TECR: variants seen among roughly 807,000 people sequenced by gnomAD.
The protein encoded by TECR is very-long-chain enoyl-CoA reductase.
A neutral mutation model predicts 50.6 loss-of-function variants in TECR; 19 were observed. The ratio of observed to expected loss-of-function variants is 0.38; its 90% confidence interval spans 0.26 to 0.55. TECR has a LOEUF of 0.55. Ranked by LOEUF, TECR falls within the 20% of genes least tolerant of loss-of-function variation. The pLI is 0.79. For missense variants in TECR, 313 were observed against 408.3 expected (o/e 0.77, Z 2.01); for synonymous variants, 168 against 163.5 (o/e 1.03, Z -0.21).
At position 14,563,672 on chromosome 19, in the gene TECR, C is replaced by T. The variant is rs757170936; in HGVS notation, c.133C>T (p.Pro45Ser). 70 of 1,612,102 alleles carry T rather than the reference C, an allele frequency of 4.3e-5. No homozygotes were observed. The Admixed American group carries it at 1.2e-3, about 26-fold the overall frequency. Residue 45 changes from proline (P) to serine (S), a missense_variant, in exon 4 of 13, where the codon CCC becomes TCC. Transcript: ENST00000215567. The surrounding 1 kb of genome is among the most constrained non-coding windows in gnomAD (Gnocchi z 5.3). ...TCTCCCCGCAGATCCGCAGTGGTAC[C>T]CCGCCCGCCAGTCCCTCCGCCTGGA... is the stretch of plus-strand genomic sequence containing the variant. ...LFTKTHPQWY[P>S]ARQSLRLDPK...
intron 1 of TECR, among the ~76,000 whole-genome samples, chr19:14,534,960 G>T (rs945266693): frequency 6.6e-6 from 1 of 152,174 alleles, no homozygotes; most frequent in African/African-American, 2.4e-5. Flanking sequence ...GTGTTCTGAG[G>T]ACAGAGCATC....
chr19:14,538,056 T>G (rs1313376574), intron 1 of TECR, among the ~76,000 whole-genome samples: 2 of 152,182 alleles, frequency 1.3e-5, no homozygotes, highest in African/African-American at 4.8e-5. Context: ...TGTGAGTGCT[T>G]CTTATCTAGT....
chr19:14,532,916 C>T (rs1468849831), intron 1 of TECR, among the ~76,000 whole-genome samples: 1 of 151,978 alleles, frequency 6.6e-6, no homozygotes, highest in East Asian at 1.9e-4. Flanking sequence ...TCGAGACCAG[C>T]CTGGTCAACA....
At position 14,563,940 on chromosome 19, in the gene TECR, C is replaced by G. The variant is rs1253317881; in HGVS notation, c.267+37C>G. 1 of 1,613,964 alleles carries G rather than the reference C, an allele frequency of 6.2e-7. No homozygotes were observed. Among genetic ancestry groups the G allele is most frequent in the South Asian group, 1.1e-5 (1 of 91,086 alleles). On this transcript the variant is annotated intron_variant, in intron 5 of 12. Coordinates refer to ENST00000215567, the MANE Select transcript of TECR (RefSeq NM_138501.6). This position sits in a 1 kb window ranked among gnomAD's most constrained non-coding sequence, Gnocchi z 5.3. ...CCCTACCCACGGCCTCTTTTCCCGTCAGCCACGTTGGGTGACTCATCTTGC... is the reference window on the plus strand; with the variant it reads ...CCCTACCCACGGCCTCTTTTCCCGTGAGCCACGTTGGGTGACTCATCTTGC...
intron 1 of TECR, among the ~76,000 whole-genome samples, chr19:14,535,756 C>CAAAAAA (rs1161257175): frequency 0.013 from 667 of 51,874 alleles, 26 homozygotes; most frequent in African/African-American, 0.032. Flanking sequence ...GACTCTGTCT[C>CAAAAAA]AAAAAAAAAA....
intron 1 of TECR, among the ~76,000 whole-genome samples, chr19:14,561,081 G>A (rs1177108807): frequency 6.6e-6 from 1 of 152,132 alleles, no homozygotes; most frequent in Non-Finnish European, 1.5e-5. Context: ...TCCCGCTGTC[G>A]TTGGGAATGT....
intron 1 of TECR, among the ~76,000 whole-genome samples, chr19:14,541,946 G>C (rs561520915): frequency 7.2e-5 from 11 of 152,066 alleles, no homozygotes; most frequent in African/African-American, 2.7e-4. Context: ...CACCACGCCT[G>C]GCGTATTTTT....
chr19:14,554,079 AGGCCCATGTGTGGTG>A (rs2073634414), intron 1 of TECR, among the ~76,000 whole-genome samples: 1 of 152,184 alleles, frequency 6.6e-6, no homozygotes, highest in African/African-American at 2.4e-5. Flanking sequence ...GGGGCCCTGG[AGGCCCATGTGTGGTG>A]GGGTATGGCC....
intron 1 of TECR, among the ~76,000 whole-genome samples, chr19:14,554,075 CTGG>C (rs2073634134): frequency 6.6e-6 from 1 of 152,224 alleles, no homozygotes; most frequent in African/African-American, 2.4e-5. Context: ...CAAGGGGGCC[CTGG>C]AGGCCCATGT....
At chr19:14,546,979 G>A (rs559937557) in intron 1 of TECR, among the ~76,000 whole-genome samples, 2 of 152,216 alleles carry the variant, frequency 1.3e-5, no homozygotes, top group Non-Finnish European at 2.9e-5. Context: ...ACAGGCATGA[G>A]CCACTGCACC....
At chr19:14,560,782 A>T (rs563210165) in intron 1 of TECR, among the ~76,000 whole-genome samples, 1 of 152,232 alleles carries the variant, frequency 6.6e-6, no homozygotes, top group East Asian at 1.9e-4. Flanking sequence ...TGGCTGGGGA[A>T]ATAGGCCCCC....
In TECR at chr19:14,565,466, C is replaced by T. The variant is rs573722103; in HGVS notation, c.754-152C>T. 113 of 1,375,566 alleles carry T rather than the reference C, an allele frequency of 8.2e-5. No individual in the cohort carries two copies. The African/African-American group carries it at 1.5e-3, about 18-fold the overall frequency. 85.2% of individuals were successfully genotyped at this position (1,375,566 alleles called of 1,614,324 possible). A position where few individuals can be genotyped will look rare whatever the true frequency, so the allele number is the denominator to read the frequency against. The stretch of plus-strand genomic sequence containing the variant: ...TGGCGGGGAGGCGTGTGCCGCTGGG[C>T]TTCCGCCGTATACAGCCCCGCCTCC... On this transcript the variant is annotated intron_variant, in intron 11 of 12. Transcript: ENST00000215567.
intron 1 of TECR, among the ~76,000 whole-genome samples, chr19:14,542,347 GTTTTTTTTTTTT>G (rs71166754): frequency 1.8e-3 from 78 of 43,302 alleles, no homozygotes; most frequent in African/African-American, 5.4e-3. Context: ...ATGCCATAGT[GTTTTTTTTTTTT>G]TTTTTTTTTT....
At position 14,562,481 on chromosome 19, in the gene TECR, C is replaced by G. The variant is rs377280744; in HGVS notation, c.16-44C>G. 1.9e-5 allele frequency: 30 copies of G among 1,613,512 alleles called. No individual in the cohort carries two copies. In the African/African-American group the frequency reaches 2.7e-4, roughly 14 times the overall value. On this transcript the variant is annotated intron_variant, in intron 1 of 12. Coordinates refer to ENST00000215567, the MANE Select transcript of TECR (RefSeq NM_138501.6). ...AATGGGCTCCCCAGGCCCACACCCC[C>G]AAAGGTGGCCAAGAAACCTAAAAAG...
At chr19:14,535,556 A>ATG (rs2072855476) in intron 1 of TECR, among the ~76,000 whole-genome samples, 3 of 13,294 alleles carry the variant, frequency 2.3e-4, no homozygotes, top group African/African-American at 7.2e-4. Flanking sequence ...ATATATATAT[A>ATG]TATATATATA....
chr19:14,527,898 CT>C (rs999692839), upstream of TECR: 21 of 147,876 alleles, frequency 1.4e-4, no homozygotes, highest in South Asian at 2.1e-4. Context: ...CTTTTTTTTT[CT>C]TTTTTTTTTG....
At chr19:14,558,644 C>T (rs546531558) in intron 1 of TECR, among the ~76,000 whole-genome samples, 10 of 152,298 alleles carry the variant, frequency 6.6e-5, no homozygotes, top group Non-Finnish European at 1.2e-4. Flanking sequence ...TCTCCCTGCC[C>T]GTCGTGCCTG....
intron 1 of TECR, among the ~76,000 whole-genome samples, chr19:14,534,307 G>A (rs1271760809): frequency 2.0e-5 from 3 of 146,704 alleles, no homozygotes; most frequent in African/African-American, 7.6e-5. Flanking sequence ...TGTATTTTTA[G>A]TAGAGATGAG....
chr19:14,565,433 T>C, intron 11 of TECR, 143 bp downstream of exon 11: 1 of 1,354,744 alleles, frequency 7.4e-7, no homozygotes. Context: ...GCGGCCTCTC[T>C]GCTGTGGTGG....
Sources: allele counts gnomAD v4.1 joint callset (sites outside exome capture counted in the v4.1 genomes callset), GRCh38; gene constraint gnomAD v4.1.1; non-coding constraint Gnocchi (gnomAD v3.1); transcripts MANE v1.5; gene names NCBI Gene and HGNC (gene_info 2026-07-23, HGNC 2026-07-21).